REEP2: variants seen among roughly 807,000 people sequenced by gnomAD.
REEP2 encodes the protein receptor expression-enhancing protein 2.
REEP2 carries 9 observed loss-of-function variants against 32.1 expected under a neutral mutation model. The ratio of observed to expected loss-of-function variants is 0.28; its 90% confidence interval spans 0.17 to 0.49. The LOEUF is 0.49. REEP2 is among the 20% of genes least tolerant of loss of function. The probability of loss-of-function intolerance (pLI) is 0.99; values close to 1 mark genes in which losing one functional copy is unlikely to be tolerated. For missense variants in REEP2, 236 were observed against 338.0 expected, an observed-to-expected ratio of 0.70 and a Z score of 2.37; for synonymous variants, 128 against 139.1, an observed-to-expected ratio of 0.92 and a Z score of 0.56.
rs1018851306 is a variant in REEP2, at chr5:138,441,149, G to A, written c.105+61G>A. 9 of 1,601,196 alleles carry A rather than the reference G, an allele frequency of 5.6e-6. No homozygotes were observed. Among genetic ancestry groups the A allele is most frequent in the African/African-American group, 1.3e-5 (1 of 74,656 alleles). On this transcript the variant is annotated intron_variant, in intron 2 of 7. Coordinates refer to ENST00000378339, the MANE Select transcript of REEP2 (RefSeq NM_001271803.2). This position sits in a 1 kb window ranked among gnomAD's most constrained non-coding sequence, Gnocchi z 4.4. ...CATGGCACAGAGAGGGGAGGGCACTGGGTCCTATTACAGATGGGGGTGACT... is the reference window on the plus strand; with the variant it reads ...CATGGCACAGAGAGGGGAGGGCACTAGGTCCTATTACAGATGGGGGTGACT...
intron 3 of REEP2, among the ~76,000 whole-genome samples, chr5:138,443,070 C>T (rs1015246728): frequency 1.3e-5 from 2 of 151,826 alleles, no homozygotes; most frequent in Non-Finnish European, 2.9e-5. Flanking sequence ...GTGGCTCCTG[C>T]TTGTAATCCT....
chr5:138,440,147 A>C (rs1763795082), intron 1 of REEP2, among the ~76,000 whole-genome samples: 1 of 152,144 alleles, frequency 6.6e-6, no homozygotes, highest in Non-Finnish European at 1.5e-5. Context: ...CCCCTGCCCT[A>C]ATGAGGACAC....
In REEP2 at chr5:138,445,935, G is replaced by T. The variant is rs1763923676; in HGVS notation, c.*184G>T. ...AAGGGGCTTGGAAAAGAGGAAGGAG[G>T]CCCAGCTGTGGGGGTTGAGGGTAGA... On this transcript the variant is annotated 3_prime_UTR_variant, in exon 8 of 8. Transcript: ENST00000378339. The T allele has an allele frequency of 1.6e-6, 1 of 638,008 alleles. No individual in the cohort carries two copies. Among genetic ancestry groups the T allele is most frequent in the African/African-American group, 1.8e-5 (1 of 54,466 alleles). The allele number at this position is 638,008 out of a possible 1,614,324, so 39.5% of individuals were successfully genotyped here. A position where few individuals can be genotyped will look rare whatever the true frequency, so the allele number is the denominator to read the frequency against.
At position 138,441,769 on chromosome 5, in the gene REEP2, A is replaced by C. The variant is rs759180059; in HGVS notation, c.182+308A>C. ...GTGAAACCCCGTCTCCACTAAAAATACAAAAAAAAAATAGCTGGGCATGGT... is the reference window on the plus strand; with the variant it reads ...GTGAAACCCCGTCTCCACTAAAAATCCAAAAAAAAAATAGCTGGGCATGGT... On this transcript the variant is annotated intron_variant, in intron 3 of 7. Transcript: ENST00000378339. This position sits in a 1 kb window ranked among gnomAD's most constrained non-coding sequence, Gnocchi z 4.4. Among the ~76,000 whole-genome samples the C allele has an allele frequency of 6.6e-6, 1 of 151,516 alleles. No individual in the cohort carries two copies. The highest frequency in any genetic ancestry group is 1.5e-5 in the Non-Finnish European group (1 of 67,728).
intron 4 of REEP2, 86 bp downstream of exon 4, chr5:138,444,621 C>T: frequency 6.3e-7 from 1 of 1,577,160 alleles, no homozygotes; most frequent in Non-Finnish European, 8.7e-7. Flanking sequence ...CTGGCCCTCC[C>T]TGTGGGGCCC....
chr5:138,439,567 C>A, intron 1 of REEP2: 1 of 497,746 alleles, frequency 2.0e-6, no homozygotes. Flanking sequence ...GTCCCCTCCC[C>A]CACCTAGCAG....
At position 138,445,606 on chromosome 5, in the gene REEP2, C is replaced by T. The variant is rs1337612006; in HGVS notation, c.696+8C>T. On this transcript the variant is annotated splice_region_variant and intron_variant, in intron 7 of 7. Coordinates refer to ENST00000378339, the MANE Select transcript of REEP2 (RefSeq NM_001271803.2). ...AAAGCGCCCAAAGCTGAGGTGAGGGCACTGGCCAGAGCTTGGGGAAACAGG... is the reference window on the plus strand; with the variant it reads ...AAAGCGCCCAAAGCTGAGGTGAGGGTACTGGCCAGAGCTTGGGGAAACAGG... 1 of 1,614,196 alleles carries T rather than the reference C, an allele frequency of 6.2e-7. No individual in the cohort carries two copies.
In REEP2 at chr5:138,446,319, G is replaced by A. The variant is rs1300001251; in HGVS notation, c.*568G>A. 3 of 154,036 alleles carry A rather than the reference G, an allele frequency of 1.9e-5. No homozygotes were observed. The highest frequency in any genetic ancestry group is 7.2e-5 in the African/African-American group (3 of 41,436). The allele number at this position is 154,036 out of a possible 1,614,324, so 9.5% of individuals were successfully genotyped here. On this transcript the variant is annotated 3_prime_UTR_variant, in exon 8 of 8. Transcript: ENST00000378339. ...ATGGCCAGGCCAGAGCTGCAGCTGG[G>A]GGCTCTTTTCCTGGTCATTGGGTGG...
rs1763829942 is a variant in REEP2 at position 138,441,740 on chromosome 5, C to T, written c.182+279C>T. Among the ~76,000 whole-genome samples, 1 of 152,016 alleles carries T rather than the reference C, an allele frequency of 6.6e-6. No individual in the cohort carries two copies. Among genetic ancestry groups the T allele is most frequent in the East Asian group, 1.9e-4 (1 of 5,190 alleles). ...AGGAGTTTGAGACCAGCCTGGCCAA[C>T]ATGGTGAAACCCCGTCTCCACTAAA... On this transcript the variant is annotated intron_variant, in intron 3 of 7. Coordinates refer to ENST00000378339, the MANE Select transcript of REEP2 (RefSeq NM_001271803.2). This position sits in a 1 kb window ranked among gnomAD's most constrained non-coding sequence, Gnocchi z 4.4.
At chr5:138,445,622 G>T in intron 7 of REEP2, 24 bp downstream of exon 7, 1 of 1,614,106 alleles carries the variant, frequency 6.2e-7, no homozygotes, top group Non-Finnish European at 8.5e-7. Flanking sequence ...CCAGAGCTTG[G>T]GGAAACAGGC....
At position 138,446,839 on chromosome 5, in the gene REEP2, G is replaced by C. The variant is rs967794208; in HGVS notation, c.*1088G>C. 6.6e-6 allele frequency: 1 copy of C among 152,386 alleles called. No individual in the cohort carries two copies. The highest frequency in any genetic ancestry group is 1.5e-5 in the Non-Finnish European group (1 of 68,152). 9.4% of individuals were successfully genotyped at this position (152,386 alleles called of 1,614,324 possible). A position where few individuals can be genotyped will look rare whatever the true frequency, so the allele number is the denominator to read the frequency against. On this transcript the variant is annotated 3_prime_UTR_variant, in exon 8 of 8. Coordinates refer to ENST00000378339, the MANE Select transcript of REEP2 (RefSeq NM_001271803.2). The stretch of plus-strand genomic sequence containing the variant: ...CAGCTTCTGCCACGGCTTCAGTCAG[G>C]GCCAGGAGGAACACGTGAAGGAGAA...
rs1224425901 is a variant in REEP2, at chr5:138,445,342, C to T, written c.532C>T (p.Pro178Ser). The T allele has an allele frequency of 3.1e-6, 5 of 1,613,366 alleles. No homozygotes were observed. Among genetic ancestry groups the T allele is most frequent in the East Asian group, 2.2e-5 (1 of 44,884 alleles). Residue 178 changes from proline (P) to serine (S), a missense_variant, in exon 6 of 8, where the codon CCT (proline) becomes TCT (serine). Coordinates refer to ENST00000378339, the MANE Select transcript of REEP2 (RefSeq NM_001271803.2). ...QRPDGRLRPS[P>S]GSLLDTIEDL... ...GCCTGACGGCCGCCTCCGACCCAGC[C>T]CTGGCAGCCTCCTGGACACCATCGA... is the stretch of plus-strand genomic sequence containing the variant.
intron 1 of REEP2, chr5:138,439,963 G>A (rs1384534000): frequency 2.8e-6 from 1 of 360,414 alleles, no homozygotes; most frequent in Non-Finnish European, 5.5e-6. Flanking sequence ...GCCCCAGGAG[G>A]GAACACACAC....
Position 138,439,195 on chromosome 5 carries a change from C to T in REEP2, c.-14C>T, listed in dbSNP as rs761075343. The stretch of plus-strand genomic sequence containing the variant: ...CGGGCCGGGTCCCCGCCCCGCGCCG[C>T]GCCCGGCCCCGCCATGGTGTCCTGG... On this transcript the variant is annotated 5_prime_UTR_variant, in exon 1 of 8. Coordinates refer to ENST00000378339, the MANE Select transcript of REEP2 (RefSeq NM_001271803.2). 3.7e-6 allele frequency: 5 copies of T among 1,361,446 alleles called. No homozygotes were observed. The African/African-American group carries it at 6.0e-5, about 16-fold the overall frequency. 84.3% of individuals were successfully genotyped at this position (1,361,446 alleles called of 1,614,324 possible).
chr5:138,439,330 G>A, intron 1 of REEP2, 90 bp downstream of exon 1: 1 of 1,306,352 alleles, frequency 7.7e-7, no homozygotes. Context: ...GCTTCGTGCA[G>A]CAGAGTCACC....
At chr5:138,442,378 A>G (rs1488515353) in intron 3 of REEP2, among the ~76,000 whole-genome samples, 1 of 152,206 alleles carries the variant, frequency 6.6e-6, no homozygotes, top group Non-Finnish European at 1.5e-5. Context: ...TTTGAGAAAA[A>G]TAGTTTTAGA....
chr5:138,443,460 CAAAA>C (rs35414889), intron 3 of REEP2: 4 of 92,520 alleles, frequency 4.3e-5, no homozygotes, highest in Admixed American at 1.2e-4. Context: ...GACTCTGTCT[CAAAA>C]AAAAAAAAAA....
At position 138,441,387 on chromosome 5, in the gene REEP2, G is replaced by A. The variant is rs769598231; in HGVS notation, c.108G>A (p.Val36=). ...CAGCGCTTCCCTCTGTCCCTCAGGT[G>A]AAATGGATGATGTACTGGATCGTCT... ...AVKTKNVKEY[V]KWMMYWIVFA... is the part of the protein sequence containing the mutation. Residue 36 remains valine, a splice_region_variant and synonymous_variant, in exon 3 of 8, where the codon GTG becomes GTA. Transcript: ENST00000378339. The surrounding 1 kb of genome is among the most constrained non-coding windows in gnomAD (Gnocchi z 4.4). The A allele has an allele frequency of 2.5e-5, 40 of 1,614,146 alleles. No homozygotes were observed. The highest frequency in any genetic ancestry group is 3.2e-5 in the Non-Finnish European group (38 of 1,179,972).
At chr5:138,440,673 G>A (rs566697844) in intron 1 of REEP2, among the ~76,000 whole-genome samples, 1 of 152,294 alleles carries the variant, frequency 6.6e-6, no homozygotes, top group African/African-American at 2.4e-5. Context: ...AGGTCAAGAA[G>A]GAAGACACCC....
Sources: gnomAD v4.1 joint callset for allele counts (sites outside exome capture counted in the v4.1 genomes callset) on GRCh38, gnomAD v4.1.1 for gene constraint, Gnocchi (gnomAD v3.1) non-coding constraint, MANE v1.5 for transcripts, NCBI Gene and HGNC (gene_info 2026-07-23, HGNC 2026-07-21) for gene names.